FXR1: variants seen among roughly 807,000 people sequenced by gnomAD.
The protein encoded by FXR1 is FMR1 autosomal homolog 1.
FXR1 carries 15 observed loss-of-function variants against 84.0 expected under a neutral mutation model. That is an observed-to-expected ratio of 0.18 (90% CI 0.12 to 0.27). The LOEUF (loss-of-function observed/expected upper bound fraction) is 0.27, where lower values mean the gene tolerates loss of function less well. FXR1 is among the 10% of genes least tolerant of loss of function. The pLI, the probability that FXR1 is intolerant of heterozygous loss-of-function variation, is 1.00. For missense variants in FXR1, 480 were observed against 774.4 expected (o/e 0.62, Z 4.51); for synonymous variants, 245 against 250.7 (o/e 0.98, Z 0.21).
Position 180,948,412 on chromosome 3 carries a change from T to G in FXR1, c.336T>G (p.Leu112=), listed in dbSNP as rs552930277. The change falls in exon 5 of 17, where the codon CTT becomes CTG. Residue 112 remains leucine, a synonymous_variant. Transcript: ENST00000357559. The part of the protein sequence containing the change: ...TYNEIVTFER[L]RPVNQNKTVK... ...ATGAAATAGTCACATTTGAACGACTTCGGCCTGTCAATCAAAATAAAACTG... is the reference window on the plus strand; with the variant it reads ...ATGAAATAGTCACATTTGAACGACTGCGGCCTGTCAATCAAAATAAAACTG... The G allele has an allele frequency of 5.0e-5, 80 of 1,605,398 alleles. No individual in the cohort carries two copies. The highest frequency in any genetic ancestry group is 4.8e-4 in the Admixed American group (29 of 60,018).
intron 9 of FXR1, among the ~76,000 whole-genome samples, chr3:180,956,980 G>A (rs1279291503): frequency 1.3e-5 from 2 of 152,120 alleles, no homozygotes; most frequent in Non-Finnish European, 2.9e-5. Context: ...ATATGCTGTC[G>A]CTGTTCACTG....
At chr3:180,924,576 A>G (rs1433540102) in intron 1 of FXR1, among the ~76,000 whole-genome samples, 1 of 152,168 alleles carries the variant, frequency 6.6e-6, no homozygotes, top group African/African-American at 2.4e-5. Flanking sequence ...AGATGTCTGA[A>G]TAGTTGGAAG....
In FXR1 at chr3:180,924,691, C is replaced by T. The variant is rs531470712; in HGVS notation, c.52-8643C>T. On this transcript the variant is annotated intron_variant, in intron 1 of 16. Transcript: ENST00000357559. ...ATTTTTAGTAGAGACGGGGTTTCAC[C>T]ATGTTGGCCAGGTTGGTCTCAAACT... Among the ~76,000 whole-genome samples the T allele has an allele frequency of 1.9e-4, 29 of 151,926 alleles. No individual in the cohort carries two copies. In the East Asian group the frequency reaches 4.1e-3, roughly 22 times the overall value.
chr3:180,927,507 T>C (rs1213892060), intron 1 of FXR1: 1 of 526,264 alleles, frequency 1.9e-6, no homozygotes, highest in East Asian at 3.3e-5. Context: ...ACCATGTTTC[T>C]TTCTGTTTAG....
At chr3:180,972,486 C>T (rs1411990380) in intron 15 of FXR1, among the ~76,000 whole-genome samples, 1 of 152,164 alleles carries the variant, frequency 6.6e-6, no homozygotes, top group Non-Finnish European at 1.5e-5. Flanking sequence ...GAGATTATTT[C>T]ATTTTTTGAA....
intron 10 of FXR1, among the ~76,000 whole-genome samples, chr3:180,959,758 C>T (rs1711849303): frequency 6.6e-6 from 1 of 151,752 alleles, no homozygotes; most frequent in Non-Finnish European, 1.5e-5. Context: ...TTGTTTCATG[C>T]TTTCATAGTT....
intron 8 of FXR1, 24 bp downstream of exon 8, chr3:180,951,492 G>C (rs760912085): frequency 6.5e-7 from 1 of 1,530,020 alleles, no homozygotes; most frequent in Non-Finnish European, 9.0e-7. Context: ...CTCCTGCCTT[G>C]GCCTTTAGTG....
At chr3:180,914,614 G>A (rs1247904424) in intron 1 of FXR1, 1 of 201,120 alleles carries the variant, frequency 5.0e-6, no homozygotes, top group African/African-American at 2.4e-5. Flanking sequence ...ATTGTTTGCA[G>A]TCTTACTTTG....
rs779318431 is a variant in FXR1 at position 180,928,052 on chromosome 3, T to C, written c.52-5282T>C. Among the ~76,000 whole-genome samples, 73 of 152,228 alleles carry C rather than the reference T, an allele frequency of 4.8e-4. 1 individual carries two copies. In the Middle Eastern group the frequency reaches 0.037, roughly 78 times the overall value. On this transcript the variant is annotated intron_variant, in intron 1 of 16. Coordinates refer to ENST00000357559, the MANE Select transcript of FXR1 (RefSeq NM_005087.4). ...GAAAGGCCTTCCTTACTGCAAGTTA[T>C]AGATAATTGGCTCCTGATTTCTCCT... is the stretch of plus-strand genomic sequence containing the variant.
At chr3:180,926,478 GTATATA>G (rs34325096) in intron 1 of FXR1, among the ~76,000 whole-genome samples, 1 of 75,404 alleles carries the variant, frequency 1.3e-5, no homozygotes, top group Non-Finnish European at 2.4e-5. Flanking sequence ...GGATTGTACT[GTATATA>G]TATATATATA....
chr3:180,970,259 C>A lies in FXR1; in HGVS notation c.1504C>A (p.Arg502Ser), dbSNP rs1713354447. Reference sequence around the variant, plus strand: ...CAGCGAATCTCATCACAGTACTAACCGTCGTAGGCGGTCTCGTAGACGAAG... The same window carrying A: ...CAGCGAATCTCATCACAGTACTAACAGTCGTAGGCGGTCTCGTAGACGAAG... ...DASESHHSTN[R>S]RRRSRRRRTD... Residue 502 changes from arginine (R) to serine (S), a missense_variant, in exon 15 of 17, where the codon CGT becomes AGT. Physicochemically the swap from Arg to Ser is moderately radical, Grantham distance 110. Around this residue, in one of 6 missense-constraint regions of FXR1, gnomAD observed 157 missense variants for 227.8 expected, o/e 0.69. Coordinates refer to ENST00000357559, the MANE Select transcript of FXR1 (RefSeq NM_005087.4). 1.2e-6 allele frequency: 2 copies of A among 1,601,016 alleles called. No homozygotes were observed.
Position 180,981,912 on chromosome 3 carries a change from G to C in FXR1, c.*5620G>C, listed in dbSNP as rs1173793457. The C allele has an allele frequency of 6.6e-6, 1 of 152,002 alleles. No homozygotes were observed. The highest frequency in any genetic ancestry group is 2.4e-5 in the African/African-American group (1 of 41,400). 9.4% of individuals were successfully genotyped at this position (152,002 alleles called of 1,614,324 possible). A position where few individuals can be genotyped will look rare whatever the true frequency, so the allele number is the denominator to read the frequency against. ...GTAACCTACCTCTCATTCCCAAAGT[G>C]TGTTTAATCATGCCGCCTTCTTTAA... On this transcript the variant is annotated 3_prime_UTR_variant, in exon 17 of 17. Coordinates refer to ENST00000357559, the MANE Select transcript of FXR1 (RefSeq NM_005087.4).
chr3:180,948,954 T>A (rs2108466052), intron 6 of FXR1, 140 bp downstream of exon 6: 2 of 627,744 alleles, frequency 3.2e-6, no homozygotes, highest in Non-Finnish European at 5.8e-6. Context: ...AAAATTTGTT[T>A]GCAGCTATAA....
chr3:180,973,162 G>A (rs1713795869), intron 15 of FXR1, among the ~76,000 whole-genome samples: 1 of 152,020 alleles, frequency 6.6e-6, no homozygotes, highest in Non-Finnish European at 1.5e-5. Context: ...ACTTTTAAGG[G>A]GCTTGTATTA....
chr3:180,951,855 G>C (rs1224437284), intron 8 of FXR1, among the ~76,000 whole-genome samples: 6 of 152,042 alleles, frequency 3.9e-5, no homozygotes, highest in African/African-American at 1.2e-4. Context: ...ATAATACTTC[G>C]TCACTGGTTA....
intron 10 of FXR1, among the ~76,000 whole-genome samples, chr3:180,958,301 A>G (rs1711594634): frequency 6.6e-6 from 1 of 151,972 alleles, no homozygotes; most frequent in East Asian, 1.9e-4. Flanking sequence ...AAGCTGCTTC[A>G]GTGGTGATTT....
intron 1 of FXR1, chr3:180,914,932 G>C (rs1222842189): frequency 1.0e-6 from 1 of 984,938 alleles, no homozygotes; most frequent in South Asian, 4.7e-5. Context: ...CAGAACTCTG[G>C]AAGAATGAGA....
At chr3:180,920,346 G>GCTAA (rs1309200879) in intron 1 of FXR1, among the ~76,000 whole-genome samples, 1 of 152,024 alleles carries the variant, frequency 6.6e-6, no homozygotes, top group East Asian at 1.9e-4. Flanking sequence ...CTTAGTAACT[G>GCTAA]CTAACTTCAT....
intron 9 of FXR1, 56 bp downstream of exon 9, chr3:180,953,896 A>T (rs1357044143): frequency 1.0e-5 from 9 of 883,512 alleles, no homozygotes; most frequent in Non-Finnish European, 1.7e-5. Context: ...AGTTACATAT[A>T]GCGACTTAAT....
Sources: gnomAD v4.1 joint callset for allele counts (sites outside exome capture counted in the v4.1 genomes callset) on GRCh38, gnomAD v4.1.1 for gene constraint, gnomAD v4.1.1 regional missense constraint, MANE v1.5 for transcripts, NCBI Gene and HGNC (gene_info 2026-07-23, HGNC 2026-07-21) for gene names.